Variants in PCDH15 observed in about 807,000 individuals in gnomAD.
The protein encoded by PCDH15 is protocadherin-15.
PCDH15 carries 129 observed loss-of-function variants against 178.5 expected under a neutral mutation model. The ratio of observed to expected loss-of-function variants is 0.72; its 90% CI spans 0.63 to 0.84. The LOEUF is 0.84. Ranked by LOEUF, PCDH15 falls within the 40% of genes least tolerant of loss-of-function variation. The probability of loss-of-function intolerance (pLI) is 0.00; values close to 1 mark genes in which losing one functional copy is unlikely to be tolerated. For synonymous variants in PCDH15, 800 were observed against 732.0 expected (o/e 1.09, Z -1.50); for missense variants, 2,230 against 2,099.9 (o/e 1.06, Z -1.21).
intron 2 of PCDH15, among the ~76,000 whole-genome samples, chr10:54,939,924 C>T (rs1838017824): frequency 6.6e-6 from 1 of 152,124 alleles, no homozygotes; most frequent in South Asian, 2.1e-4. Flanking sequence ...GCTCTTAATA[C>T]CTACCATCAC....
intron 1 of PCDH15, among the ~76,000 whole-genome samples, chr10:54,710,037 CATAT>C (rs1186269121): frequency 6.6e-6 from 1 of 151,076 alleles, no homozygotes. Context: ...ATGTGTCCTG[CATAT>C]ATACTTAAAT....
intron 13 of PCDH15, among the ~76,000 whole-genome samples, chr10:54,170,765 C>T (rs1197483112): frequency 6.6e-6 from 1 of 152,056 alleles, no homozygotes; most frequent in Non-Finnish European, 1.5e-5. Context: ...CAGGCCTAAT[C>T]CCCACACACC....
chr10:54,385,587 A>G (rs1402306212), intron 3 of PCDH15, among the ~76,000 whole-genome samples: 1 of 152,150 alleles, frequency 6.6e-6, no homozygotes, highest in African/African-American at 2.4e-5. Flanking sequence ...CAAAAATGTA[A>G]TTAACTAAAG....
intron 2 of PCDH15, among the ~76,000 whole-genome samples, chr10:55,370,313 C>T (rs1481120957): frequency 2.0e-5 from 3 of 152,030 alleles, no homozygotes; most frequent in African/African-American, 7.2e-5. Flanking sequence ...TTTTAAATGA[C>T]TCATACTTGT....
intron 2 of PCDH15, among the ~76,000 whole-genome samples, chr10:55,104,142 G>C (rs1489661909): frequency 6.6e-6 from 1 of 151,794 alleles, no homozygotes; most frequent in African/African-American, 2.4e-5. Flanking sequence ...ATAACTTTCT[G>C]CCCGAAATTC....
intron 3 of PCDH15, among the ~76,000 whole-genome samples, chr10:54,862,978 A>T (rs1953871863): frequency 1.3e-5 from 2 of 152,196 alleles, no homozygotes; most frequent in Admixed American, 1.3e-4. Context: ...TTTATCTATT[A>T]TAGTAACTAT....
intron 2 of PCDH15, among the ~76,000 whole-genome samples, chr10:55,610,311 T>C (rs1362741890): frequency 6.6e-6 from 1 of 152,126 alleles, no homozygotes; most frequent in African/African-American, 2.4e-5. Flanking sequence ...AACTTCTTAA[T>C]TGGAACTAAT....
At chr10:54,757,814 T>C (rs535938221) in intron 1 of PCDH15, among the ~76,000 whole-genome samples, 33 of 152,304 alleles carry the variant, frequency 2.2e-4, no homozygotes, top group Non-Finnish European at 4.0e-4. Context: ...GCAGCCTTAA[T>C]ATATAGCTGC....
intron 3 of PCDH15, among the ~76,000 whole-genome samples, chr10:54,447,571 C>CT (rs1279410303): frequency 6.6e-6 from 1 of 151,570 alleles, no homozygotes; most frequent in Non-Finnish European, 1.5e-5. Context: ...GATTTCTTTC[C>CT]TTTTTAAGGC....
intron 3 of PCDH15, among the ~76,000 whole-genome samples, chr10:54,485,327 G>A (rs998236854): frequency 2.6e-5 from 4 of 151,768 alleles, no homozygotes; most frequent in African/African-American, 7.3e-5. Flanking sequence ...TCCAAAATAC[G>A]TCATATGGGG....
chr10:54,570,535 T>A (rs963715330), intron 2 of PCDH15, among the ~76,000 whole-genome samples: 2 of 151,510 alleles, frequency 1.3e-5, no homozygotes, highest in African/African-American at 4.9e-5. Context: ...TCTTGTGGGA[T>A]TTTCACATTG....
chr10:54,022,867 G>A (rs756250226), intron 19 of PCDH15, 25 bp downstream of exon 19: 3 of 1,611,480 alleles, frequency 1.9e-6, no homozygotes, highest in Middle Eastern at 3.3e-4. Flanking sequence ...TAGGATTCAT[G>A]TAATAAATGC....
chr10:55,281,219 T>C (rs1842725341), intron 1 of PCDH15, among the ~76,000 whole-genome samples: 1 of 152,186 alleles, frequency 6.6e-6, no homozygotes, highest in African/African-American at 2.4e-5. Context: ...GTGTAGGGCA[T>C]GAGAATTTGG....
At chr10:55,504,555 C>T (rs1840722163) in intron 2 of PCDH15, among the ~76,000 whole-genome samples, 1 of 151,064 alleles carries the variant, frequency 6.6e-6, no homozygotes, top group African/African-American at 2.4e-5. Context: ...AGTAATTTAG[C>T]TTTTCTAAGC....
At chr10:54,643,922 C>T (rs1011631567) in intron 2 of PCDH15, among the ~76,000 whole-genome samples, 1 of 148,008 alleles carries the variant, frequency 6.8e-6, no homozygotes, top group Non-Finnish European at 1.5e-5. Flanking sequence ...CACCCATTAA[C>T]TCGTCACTTA....
intron 2 of PCDH15, among the ~76,000 whole-genome samples, chr10:54,596,460 C>G (rs1590362722): frequency 6.6e-6 from 1 of 152,048 alleles, no homozygotes; most frequent in South Asian, 2.1e-4. Context: ...CTTCTGGAAG[C>G]ATTAATATGG....
intron 3 of PCDH15, among the ~76,000 whole-genome samples, chr10:54,412,620 T>C (rs1038846163): frequency 6.6e-6 from 1 of 152,186 alleles, no homozygotes; most frequent in African/African-American, 2.4e-5. Flanking sequence ...TCTGAAATTC[T>C]AGCATTAATG....
chr10:55,064,933 A>G (rs968950495), intron 2 of PCDH15, among the ~76,000 whole-genome samples: 4 of 152,090 alleles, frequency 2.6e-5, no homozygotes, highest in Admixed American at 2.6e-4. Context: ...ATCACAATAA[A>G]TAGAATATTT....
At chr10:55,078,855 A>G (rs569162979) in intron 2 of PCDH15, among the ~76,000 whole-genome samples, 1 of 152,016 alleles carries the variant, frequency 6.6e-6, no homozygotes, top group Admixed American at 6.6e-5. Flanking sequence ...GCTCCCATTT[A>G]TGAATGAAAA....
Sources: allele counts gnomAD v4.1 joint callset (sites outside exome capture counted in the v4.1 genomes callset), GRCh38; gene constraint gnomAD v4.1.1; transcripts MANE v1.5; gene names NCBI Gene and HGNC (gene_info 2026-07-23, HGNC 2026-07-21).